The following STK39 variants were observed in gnomAD, a reference collection of about 807,000 sequenced individuals.
STK39 encodes the protein serine/threonine kinase 39.
In STK39, 20 loss-of-function variants were observed where a neutral mutation model predicts 77.8. That is an observed-to-expected ratio of 0.26 (90% CI 0.18 to 0.37). The LOEUF is 0.37. STK39 is among the 10% of genes least tolerant of loss of function. The pLI is 1.00. For missense variants in STK39, 479 were observed against 656.5 expected, an observed-to-expected ratio of 0.73 and a Z score of 2.95; for synonymous variants, 246 against 234.1, an observed-to-expected ratio of 1.05 and a Z score of -0.47.
At chr2:167,994,196 A>G (rs186564066) in intron 16 of STK39, among the ~76,000 whole-genome samples, 4 of 152,328 alleles carry the variant, frequency 2.6e-5, no homozygotes, top group Admixed American at 1.3e-4. Context: ...AATATAATAT[A>G]AACTTAATTG....
chr2:168,212,401 T>C (rs116627242), intron 1 of STK39, among the ~76,000 whole-genome samples: 3,659 of 152,282 alleles, frequency 0.024, 87 homozygotes, highest in East Asian at 0.075. Flanking sequence ...CCTTCATTCA[T>C]GAAGTTGTCT....
chr2:168,180,101 C>T (rs1689047897), intron 2 of STK39, among the ~76,000 whole-genome samples: 1 of 152,184 alleles, frequency 6.6e-6, no homozygotes, highest in South Asian at 2.1e-4. Context: ...AATCCCAGCA[C>T]TGTGGGAGGC....
chr2:168,051,946 G>C (rs929169554), intron 14 of STK39, among the ~76,000 whole-genome samples: 1 of 151,220 alleles, frequency 6.6e-6, no homozygotes, highest in Non-Finnish European at 1.5e-5. Context: ...GCTGATAGGT[G>C]TTTGGCTTCA....
intron 2 of STK39, among the ~76,000 whole-genome samples, chr2:168,176,302 C>G (rs532063710): frequency 2.2e-4 from 34 of 151,394 alleles, no homozygotes; most frequent in Non-Finnish European, 4.1e-4. Flanking sequence ...TTTCTCCCCC[C>G]CTTAAACCTC....
intron 16 of STK39, among the ~76,000 whole-genome samples, chr2:168,002,370 T>A (rs888318417): frequency 2.6e-5 from 4 of 152,222 alleles, no homozygotes; most frequent in African/African-American, 9.6e-5. Flanking sequence ...TTTGCCCACA[T>A]TTTGAAAGGT....
chr2:168,146,747 G>C (rs1363609762), intron 5 of STK39, among the ~76,000 whole-genome samples: 1 of 152,146 alleles, frequency 6.6e-6, no homozygotes, highest in Non-Finnish European at 1.5e-5. Flanking sequence ...ACCATGCAGG[G>C]ATGTTCAAGA....
intron 12 of STK39, among the ~76,000 whole-genome samples, chr2:168,071,736 G>T (rs1685945312): frequency 6.6e-6 from 1 of 152,042 alleles, no homozygotes; most frequent in South Asian, 2.1e-4. Flanking sequence ...AGGCATGGTG[G>T]CAGGCACCTG....
chr2:168,053,795 T>C (rs1018940456), intron 14 of STK39, among the ~76,000 whole-genome samples: 6 of 152,226 alleles, frequency 3.9e-5, no homozygotes, highest in Non-Finnish European at 7.3e-5. Context: ...CTCTATCACC[T>C]ATATGTATAC....
At chr2:168,203,607 T>A (rs555569048) in intron 1 of STK39, among the ~76,000 whole-genome samples, 2 of 152,344 alleles carry the variant, frequency 1.3e-5, no homozygotes, top group South Asian at 4.1e-4. Context: ...GTCTTGTTTT[T>A]TTTGAGACGG....
chr2:168,056,574 A>G (rs1685532712), intron 14 of STK39, among the ~76,000 whole-genome samples: 1 of 152,184 alleles, frequency 6.6e-6, no homozygotes, highest in Admixed American at 6.5e-5. Flanking sequence ...CGGGGATAAG[A>G]AATGCAAGCA....
chr2:168,011,189 T>C (rs9679354), intron 16 of STK39, among the ~76,000 whole-genome samples: 15,436 of 151,956 alleles, frequency 0.1, 2,643 homozygotes, highest in African/African-American at 0.35. Context: ...TCCCAAGCTA[T>C]TTGGGAGGCT....
chr2:168,118,966 G>C (rs556171524), intron 10 of STK39, among the ~76,000 whole-genome samples: 1 of 152,242 alleles, frequency 6.6e-6, no homozygotes, highest in African/African-American at 2.4e-5. Context: ...CTCTGTGAAC[G>C]CCTGTCCCTG....
intron 8 of STK39, among the ~76,000 whole-genome samples, chr2:168,131,624 T>C (rs1161659563): frequency 1.3e-5 from 2 of 152,164 alleles, no homozygotes; most frequent in African/African-American, 4.8e-5. Flanking sequence ...TTCCTCAGAT[T>C]TCAAGTGGAA....
intron 1 of STK39, among the ~76,000 whole-genome samples, chr2:168,203,738 G>T (rs1689669068): frequency 6.6e-6 from 1 of 152,190 alleles, no homozygotes; most frequent in South Asian, 2.1e-4. Context: ...GACTACAGGA[G>T]CCAGCCACCG....
chr2:168,155,260 A>G (rs537092122), intron 5 of STK39, among the ~76,000 whole-genome samples: 1 of 152,330 alleles, frequency 6.6e-6, no homozygotes, highest in East Asian at 1.9e-4. Context: ...CTGTTAAAGC[A>G]TGAGAAGCTG....
chr2:168,054,204 T>C (rs185913449), intron 14 of STK39, among the ~76,000 whole-genome samples: 5 of 152,310 alleles, frequency 3.3e-5, no homozygotes, highest in Admixed American at 1.3e-4. Context: ...TCTGACTGCA[T>C]TCAAAACAGG....
At chr2:168,025,385 T>C (rs1416975500) in intron 14 of STK39, among the ~76,000 whole-genome samples, 4 of 152,194 alleles carry the variant, frequency 2.6e-5, no homozygotes, top group African/African-American at 9.6e-5. Flanking sequence ...CAGTAAATGA[T>C]AGTGATGGCC....
intron 16 of STK39, among the ~76,000 whole-genome samples, chr2:167,986,457 G>A (rs1683559912): frequency 6.6e-6 from 1 of 152,020 alleles, no homozygotes; most frequent in Admixed American, 6.6e-5. Context: ...TTATAAAAGG[G>A]TCACATACCA....
chr2:168,054,788 A>T (rs894796668), intron 14 of STK39, among the ~76,000 whole-genome samples: 36 of 146,330 alleles, frequency 2.5e-4, no homozygotes, highest in South Asian at 6.5e-4. Flanking sequence ...AAAAAAAAAA[A>T]CTCACACACA....
Sources: gnomAD v4.1 joint callset for allele counts (sites outside exome capture counted in the v4.1 genomes callset) on GRCh38, gnomAD v4.1.1 for gene constraint, MANE v1.5 for transcripts, NCBI Gene and HGNC (gene_info 2026-07-23, HGNC 2026-07-21) for gene names.